Variants in HS3ST5 observed in about 807,000 individuals in gnomAD.
HS3ST5 encodes heparan sulfate-glucosamine 3-sulfotransferase 5.
In HS3ST5, 10 loss-of-function variants were observed where a neutral mutation model predicts 25.4. The ratio of observed to expected loss-of-function variants is 0.39; its 90% CI spans 0.24 to 0.67. The LOEUF (loss-of-function observed/expected upper bound fraction) is 0.67, where lower values mean the gene tolerates loss of function less well. Among genes scored for constraint, HS3ST5 ranks in the 30% least tolerant of loss-of-function variants. The pLI is 0.44. For synonymous variants in HS3ST5, 170 were observed against 162.4 expected (o/e 1.05, Z -0.36); for missense variants, 324 against 420.7 (o/e 0.77, Z 2.01).
chr6:114,239,176 T>A (rs1334519993), intron 1 of HS3ST5: 1 of 152,218 alleles, frequency 6.6e-6, no homozygotes, highest in Non-Finnish European at 1.5e-5. Context: ...TGCAAAGTTG[T>A]TTAATCTCAT....
intron 2 of HS3ST5, among the ~76,000 whole-genome samples, chr6:114,222,374 A>G (rs1217206561): frequency 6.6e-6 from 1 of 151,878 alleles, no homozygotes; most frequent in East Asian, 1.9e-4. Context: ...AGCCTACCAC[A>G]AAGTAGTTAT....
chr6:114,190,124 T>C (rs1780425714), intron 2 of HS3ST5, among the ~76,000 whole-genome samples: 1 of 152,210 alleles, frequency 6.6e-6, no homozygotes, highest in South Asian at 2.1e-4. Flanking sequence ...TCTGCCTAAT[T>C]ATTCCAAGTT....
chr6:114,147,541 C>G (rs1313318724), intron 3 of HS3ST5, among the ~76,000 whole-genome samples: 2 of 152,184 alleles, frequency 1.3e-5, no homozygotes, highest in Admixed American at 1.3e-4. Flanking sequence ...CTGGACTACT[C>G]ATTCTGAATT....
chr6:114,206,186 T>C (rs1160448526), intron 2 of HS3ST5, among the ~76,000 whole-genome samples: 1 of 152,206 alleles, frequency 6.6e-6, no homozygotes, highest in Non-Finnish European at 1.5e-5. Context: ...ACCAAATGTA[T>C]TTTTTATTGT....
intron 1 of HS3ST5, among the ~76,000 whole-genome samples, chr6:114,266,816 A>T (rs144217850): frequency 1.7e-4 from 26 of 152,336 alleles, no homozygotes; most frequent in African/African-American, 6.0e-4. Context: ...GTGGTTGGCC[A>T]AGCTAAGCTT....
chr6:114,189,089 G>T (rs1780367245), intron 2 of HS3ST5, among the ~76,000 whole-genome samples: 1 of 151,692 alleles, frequency 6.6e-6, no homozygotes, highest in Non-Finnish European at 1.5e-5. Context: ...CTTGAGAAAG[G>T]GTGTATATAA....
At chr6:114,341,963 A>G (rs1016103227) in intron 1 of HS3ST5, among the ~76,000 whole-genome samples, 7 of 152,116 alleles carry the variant, frequency 4.6e-5, no homozygotes, top group Non-Finnish European at 4.4e-5. Flanking sequence ...ATTTTACCCC[A>G]GGAATTGCCC....
At chr6:114,331,482 T>C (rs1226191047) in intron 1 of HS3ST5, among the ~76,000 whole-genome samples, 2 of 152,186 alleles carry the variant, frequency 1.3e-5, no homozygotes, top group Non-Finnish European at 2.9e-5. Flanking sequence ...TAATTACTAC[T>C]TTGTTTTTAA....
intron 3 of HS3ST5, among the ~76,000 whole-genome samples, chr6:114,070,312 T>C (rs1773736783): frequency 6.7e-6 from 1 of 149,192 alleles, no homozygotes; most frequent in Non-Finnish European, 1.5e-5. Context: ...AATGTTTCCA[T>C]AAAAGGGCAG....
chr6:114,164,524 T>C (rs1779117546), intron 3 of HS3ST5, among the ~76,000 whole-genome samples: 1 of 152,168 alleles, frequency 6.6e-6, no homozygotes. Flanking sequence ...GCAGTATATC[T>C]TGGAAGCAGA....
rs532386587 is a variant in HS3ST5, at chr6:114,295,463, G to A, written c.-339+46732C>T. On this transcript the variant is annotated intron_variant, in intron 1 of 4. Coordinates refer to ENST00000312719, the MANE Select transcript of HS3ST5 (RefSeq NM_153612.4). ...TATTGACCATGGTAATCTTTAACTT[G>A]CCACATTTACAGATGTATCAGATAG... is the stretch of plus-strand genomic sequence containing the variant. Among the ~76,000 whole-genome samples the A allele has an allele frequency of 2.0e-5, 3 of 152,196 alleles. No individual in the cohort carries two copies. The East Asian group carries it at 5.8e-4, about 29-fold the overall frequency.
At chr6:114,244,649 T>C (rs1376982087) in intron 1 of HS3ST5, among the ~76,000 whole-genome samples, 1 of 152,202 alleles carries the variant, frequency 6.6e-6, no homozygotes, top group Non-Finnish European at 1.5e-5. Flanking sequence ...TAGCTGCAGC[T>C]GACTACTTAA....
intron 2 of HS3ST5, among the ~76,000 whole-genome samples, chr6:114,176,784 G>C (rs971436003): frequency 6.6e-6 from 1 of 152,122 alleles, no homozygotes; most frequent in African/African-American, 2.4e-5. Context: ...ATAGAGAAAG[G>C]CTCTGGGGTA....
intron 1 of HS3ST5, among the ~76,000 whole-genome samples, chr6:114,243,547 G>GC (rs1216877050): frequency 6.6e-6 from 1 of 152,170 alleles, no homozygotes; most frequent in Non-Finnish European, 1.5e-5. Context: ...GAATTGAATA[G>GC]CACAGCACAG....
chr6:114,141,496 A>G (rs963825016), intron 3 of HS3ST5, among the ~76,000 whole-genome samples: 13 of 152,206 alleles, frequency 8.5e-5, no homozygotes, highest in African/African-American at 3.1e-4. Context: ...TGTGTGCAGT[A>G]TATCTGTCTT....
Position 114,172,655 on chromosome 6 carries a change from G to A in HS3ST5, c.-144-4193C>T, listed in dbSNP as rs113315483. Reference sequence around the variant, plus strand: ...GGCTAAAAGATTTTTAAATGACTGGGGGGAAAAGAAAACTTTGAGAAACTA... The same window carrying A: ...GGCTAAAAGATTTTTAAATGACTGGAGGGAAAAGAAAACTTTGAGAAACTA... On this transcript the variant is annotated intron_variant, in intron 2 of 4. Transcript: ENST00000312719. 2.9e-4 allele frequency among the ~76,000 whole-genome samples: 44 copies of A among 152,296 alleles called. 1 individual carries two copies. Among genetic ancestry groups the A allele is most frequent in the African/African-American group, 1.0e-3 (43 of 41,564 alleles).
At chr6:114,092,547 A>G (rs1176640468) in intron 3 of HS3ST5, among the ~76,000 whole-genome samples, 1 of 152,230 alleles carries the variant, frequency 6.6e-6, no homozygotes, top group Non-Finnish European at 1.5e-5. Flanking sequence ...ATAAAAGGAT[A>G]GCTACAAGTT....
In HS3ST5 at chr6:114,058,031, C is replaced by T. The variant is rs1772871179; in HGVS notation, c.267G>A (p.Gln89=). The T allele has an allele frequency of 1.2e-6, 2 of 1,614,166 alleles. No individual in the cohort carries two copies. Among genetic ancestry groups the T allele is most frequent in the South Asian group, 2.2e-5 (2 of 91,088 alleles). Residue 89 remains glutamine (Q), a synonymous_variant, in exon 5 of 5, where the codon CAG becomes CAA. Coordinates refer to ENST00000312719, the MANE Select transcript of HS3ST5 (RefSeq NM_153612.4). ...CCCCAATGATAATGGCCTTGGGGAG[C>T]TGCTGGACCAGGTCATGGAGGCGAA... ...EQVRLHDLVQ[Q]LPKAIIIGVR... is the part of the protein sequence containing the mutation.
At chr6:114,210,565 TA>T (rs556424067) in intron 2 of HS3ST5, among the ~76,000 whole-genome samples, 12 of 152,302 alleles carry the variant, frequency 7.9e-5, no homozygotes, top group African/African-American at 2.6e-4. Flanking sequence ...AAATGGACCA[TA>T]ACAGCATTAT....
Sources: gnomAD v4.1 joint callset for allele counts (sites outside exome capture counted in the v4.1 genomes callset) on GRCh38, gnomAD v4.1.1 for gene constraint, MANE v1.5 for transcripts, NCBI Gene and HGNC (gene_info 2026-07-23, HGNC 2026-07-21) for gene names.